MRE11: variants seen among roughly 807,000 people sequenced by gnomAD.
MRE11 encodes the protein double-strand break repair protein MRE11.
In MRE11, 62 loss-of-function variants were observed where a neutral mutation model predicts 91.7. The observed-to-expected ratio is 0.68, with a 90% CI of 0.55 to 0.84. The LOEUF (loss-of-function observed/expected upper bound fraction) is 0.84, where lower values mean the gene tolerates loss of function less well. Ranked by LOEUF, MRE11 falls within the 40% of genes least tolerant of loss-of-function variation. MRE11 has a pLI of 0.00. For synonymous variants in MRE11, 273 were observed against 271.4 expected (o/e 1.01, Z -0.06); for missense variants, 796 against 852.9 (o/e 0.93, Z 0.83).
chr11:94,481,266 G>A (rs956980280), intron 4 of MRE11, among the ~76,000 whole-genome samples: 6 of 151,856 alleles, frequency 4.0e-5, no homozygotes, highest in Admixed American at 6.6e-5. Context: ...CCGAGATCGC[G>A]CCACTGCTCT....
intron 3 of MRE11, among the ~76,000 whole-genome samples, chr11:94,489,704 C>A (rs1188538338): frequency 6.6e-6 from 1 of 152,108 alleles, no homozygotes; most frequent in Non-Finnish European, 1.5e-5. Context: ...TCAAGGCTGG[C>A]GGTGTTAATT....
At chr11:94,454,980 A>G (rs1946209775) in intron 14 of MRE11, among the ~76,000 whole-genome samples, 1 of 152,210 alleles carries the variant, frequency 6.6e-6, no homozygotes, top group African/African-American at 2.4e-5. Flanking sequence ...GCCATTTCTA[A>G]TCTATAGCTT....
intron 4 of MRE11, among the ~76,000 whole-genome samples, chr11:94,485,095 C>T (rs1339662883): frequency 6.6e-6 from 1 of 151,864 alleles, no homozygotes; most frequent in Non-Finnish European, 1.5e-5. Flanking sequence ...CGCCTGTAAT[C>T]CCAGCTACTC....
chr11:94,504,162 T>C, the MRE11 span, among the ~76,000 whole-genome samples: 4 of 152,194 alleles, frequency 2.6e-5, no homozygotes, highest in Non-Finnish European at 5.9e-5. Flanking sequence ...CGTAGCTTGA[T>C]CGTGGTAATG....
rs1946244049 is a variant in MRE11 at position 94,456,195 on chromosome 11, G to A, written c.1563+81C>T. On this transcript the variant is annotated intron_variant, in intron 14 of 19. Coordinates refer to ENST00000323929, the MANE Select transcript of MRE11 (RefSeq NM_005591.4). ...CTCCTATCCCCTAGACCTATGGACTGACTATTCTAACTAAACCTACTGGTT... is the reference window on the plus strand; with the variant it reads ...CTCCTATCCCCTAGACCTATGGACTAACTATTCTAACTAAACCTACTGGTT... 5 of 1,338,310 alleles carry A rather than the reference G, an allele frequency of 3.7e-6. No homozygotes were observed. The Admixed American group carries it at 5.3e-5, about 14-fold the overall frequency. The allele number at this position is 1,338,310 out of a possible 1,614,324, so 82.9% of individuals were successfully genotyped here. A position where few individuals can be genotyped will look rare whatever the true frequency, so the allele number is the denominator to read the frequency against.
rs557705036 is a variant in MRE11, at chr11:94,467,598, C to A, written c.1098+215G>T. Among the ~76,000 whole-genome samples the A allele has an allele frequency of 2.8e-3, 433 of 152,226 alleles. 1 individual carries two copies. Among genetic ancestry groups the A allele is most frequent in the African/African-American group, 0.01 (419 of 41,540 alleles). On this transcript the variant is annotated intron_variant, in intron 10 of 19. Transcript: ENST00000323929. ...TCAGCCAATCTATTAAATATAACAA[C>A]AAATTATTTAGAAAATGAGAAAAAT...
chr11:94,428,343 A>G lies in MRE11; in HGVS notation c.2070+1568T>C, dbSNP rs375679885. 7.2e-5 allele frequency among the ~76,000 whole-genome samples: 11 copies of G among 152,234 alleles called. No individual in the cohort carries two copies. In the East Asian group the frequency reaches 9.6e-4, roughly 13 times the overall value. ...CTAGGATAACCGGCTAGCAATGTGC[A>G]GAAGAAAATGGATCCCTACCTTTCA... On this transcript the variant is annotated intron_variant, in intron 19 of 19. Coordinates refer to ENST00000323929, the MANE Select transcript of MRE11 (RefSeq NM_005591.4).
At chr11:94,474,966 T>C (rs977135739) in intron 7 of MRE11, among the ~76,000 whole-genome samples, 1 of 152,128 alleles carries the variant, frequency 6.6e-6, no homozygotes, top group African/African-American at 2.4e-5. Flanking sequence ...CACACACATA[T>C]CTAAACTCTG....
chr11:94,463,221 C>T (rs549548065), intron 11 of MRE11, among the ~76,000 whole-genome samples: 12 of 152,258 alleles, frequency 7.9e-5, no homozygotes, highest in African/African-American at 2.6e-4. Flanking sequence ...CAATTCAAAA[C>T]CACAATGAAA....
intron 19 of MRE11, among the ~76,000 whole-genome samples, chr11:94,428,813 AG>A (rs1945390738): frequency 1.3e-5 from 2 of 152,224 alleles, no homozygotes; most frequent in East Asian, 1.9e-4. Flanking sequence ...CAGTGAGCTG[AG>A]GTCACACCAT....
chr11:94,462,676 G>C (rs1946452240), intron 11 of MRE11, among the ~76,000 whole-genome samples: 1 of 152,146 alleles, frequency 6.6e-6, no homozygotes, highest in Non-Finnish European at 1.5e-5. Context: ...ACAAGCAATG[G>C]GGAAAGGATT....
intron 4 of MRE11, among the ~76,000 whole-genome samples, chr11:94,484,405 A>G (rs1947086679): frequency 6.6e-6 from 1 of 152,230 alleles, no homozygotes; most frequent in African/African-American, 2.4e-5. Context: ...GAACAAATTT[A>G]AGGAGGAACA....
intron 16 of MRE11, among the ~76,000 whole-genome samples, chr11:94,440,749 G>A (rs1297328455): frequency 6.6e-6 from 1 of 152,316 alleles, no homozygotes; most frequent in East Asian, 1.9e-4. Flanking sequence ...ATTTTTCTAA[G>A]AGGTAGTTCA....
chr11:94,457,129 C>G (rs755202869), intron 13 of MRE11, among the ~76,000 whole-genome samples: 1 of 152,168 alleles, frequency 6.6e-6, no homozygotes, highest in Non-Finnish European at 1.5e-5. Context: ...ACAAAAGACA[C>G]TGAAAATATG....
chr11:94,415,602 C>G lies in MRE11; in HGVS notation c.*4523G>C, dbSNP rs1193210068. On this transcript the variant is annotated 3_prime_UTR_variant, in exon 20 of 20. Transcript: ENST00000323929. ...GTCAAGGCACCACAGATTAAATATC[C>G]TTTTATTTGACTCAAACTGAACAAT... The G allele has an allele frequency of 3.3e-5, 5 of 152,140 alleles. No individual in the cohort carries two copies. Among genetic ancestry groups the G allele is most frequent in the Non-Finnish European group, 7.3e-5 (5 of 68,032 alleles). 9.4% of individuals were successfully genotyped at this position (152,140 alleles called of 1,614,324 possible). A position where few individuals can be genotyped will look rare whatever the true frequency, so the allele number is the denominator to read the frequency against.
the MRE11 span, among the ~76,000 whole-genome samples, chr11:94,507,699 C>G: frequency 3.9e-5 from 6 of 152,076 alleles, no homozygotes; most frequent in Admixed American, 2.6e-4. Context: ...GTAGTAATAG[C>G]TCATTGTAGT....
At position 94,492,975 on chromosome 11, in the gene MRE11, C is replaced by G. The variant is rs1195658479; in HGVS notation, c.-105-69G>C. On this transcript the variant is annotated intron_variant, in intron 1 of 19. Transcript: ENST00000323929. The stretch of plus-strand genomic sequence containing the variant: ...GCACGTATTTAACCAACATGATTTA[C>G]GCTGCACAAGGTACAGACGTCTTAA... The G allele has an allele frequency of 1.1e-5, 7 of 652,172 alleles. No homozygotes were observed. The Admixed American group carries it at 1.6e-4, about 15-fold the overall frequency. 40.4% of individuals were successfully genotyped at this position (652,172 alleles called of 1,614,324 possible). A position where few individuals can be genotyped will look rare whatever the true frequency, so the allele number is the denominator to read the frequency against.
chr11:94,437,909 A>G (rs475531), intron 16 of MRE11, among the ~76,000 whole-genome samples: 73,147 of 151,766 alleles, frequency 0.48, 17,859 homozygotes, highest in South Asian at 0.61. Context: ...CGGATCACTT[A>G]AGGTCCAGAG....
At chr11:94,486,801 G>C (rs12285908) in intron 3 of MRE11, among the ~76,000 whole-genome samples, 223 of 152,264 alleles carry the variant, frequency 1.5e-3, no homozygotes, top group African/African-American at 5.1e-3. Context: ...GTTGCACTAG[G>C]AAAGATAAAT....
Sources: gnomAD v4.1 joint callset for allele counts (sites outside exome capture counted in the v4.1 genomes callset) on GRCh38, gnomAD v4.1.1 for gene constraint, MANE v1.5 for transcripts, NCBI Gene and HGNC (gene_info 2026-07-23, HGNC 2026-07-21) for gene names.